The following SWAP70 variants were observed in gnomAD, a reference collection of about 807,000 sequenced individuals.
SWAP70 encodes the protein switch-associated protein 70.
Under a neutral mutation model 80.2 loss-of-function variants are expected in SWAP70, and 34 were observed. The ratio of observed to expected loss-of-function variants is 0.42; its 90% CI spans 0.32 to 0.56. The LOEUF is 0.56. Ranked by LOEUF, SWAP70 falls within the 20% of genes least tolerant of loss-of-function variation. The pLI, the probability that SWAP70 is intolerant of heterozygous loss-of-function variation, is 0.09. For missense variants in SWAP70, 578 were observed against 690.7 expected (o/e 0.84, Z 1.83); for synonymous variants, 239 against 238.5 (o/e 1.00, Z -0.02).
intron 3 of SWAP70, among the ~76,000 whole-genome samples, chr11:9,717,543 G>A (rs956365595): frequency 1.4e-4 from 21 of 152,044 alleles, no homozygotes; most frequent in African/African-American, 5.1e-4. Context: ...GCTTAGGTGG[G>A]AGGATGGCTT....
intron 11 of SWAP70, among the ~76,000 whole-genome samples, 200 bp downstream of exon 11, chr11:9,749,383 A>G (rs1427482010): frequency 6.6e-6 from 1 of 152,046 alleles, no homozygotes; most frequent in African/African-American, 2.4e-5. Flanking sequence ...AGTAGCTGGG[A>G]CTACAGGTGC....
chr11:9,748,491 AG>A (rs1851540997), intron 10 of SWAP70, among the ~76,000 whole-genome samples: 1 of 152,134 alleles, frequency 6.6e-6, no homozygotes, highest in African/African-American at 2.4e-5. Context: ...ATGGCAGAAA[AG>A]TTTGTTGAGG....
intron 3 of SWAP70, among the ~76,000 whole-genome samples, chr11:9,715,846 C>T (rs528516602): frequency 4.8e-4 from 73 of 152,332 alleles, no homozygotes; most frequent in Middle Eastern, 3.4e-3. Flanking sequence ...CCCCAGAACT[C>T]AACTTTTCCT....
rs1357683213 is a variant in SWAP70, at chr11:9,695,399, AGAAAATGTGGTACATATAC to A, written c.240+1115_240+1133del. ...TGCCCATCAATGATAGCCTGGATAAAGAAAATGTGGTACATATACGCCATGGAATACTATGCTGCCCTAA... is the reference window on the plus strand; with the variant it reads ...TGCCCATCAATGATAGCCTGGATAAAGCCATGGAATACTATGCTGCCCTAA... On this transcript the variant is annotated intron_variant, in intron 2 of 11. Coordinates refer to ENST00000318950, the MANE Select transcript of SWAP70 (RefSeq NM_015055.4). Among the ~76,000 whole-genome samples the A allele has an allele frequency of 4.6e-5, 7 of 152,332 alleles. No individual in the cohort carries two copies. The East Asian group carries it at 1.4e-3, about 29-fold the overall frequency.
chr11:9,749,251 T>G, intron 11 of SWAP70, 68 bp downstream of exon 11: 1 of 903,658 alleles, frequency 1.1e-6, no homozygotes, highest in Non-Finnish European at 1.4e-6. Context: ...TTAATTAATT[T>G]ATTTATTTTG....
chr11:9,695,906 C>G (rs1418356901), intron 2 of SWAP70, among the ~76,000 whole-genome samples: 1 of 152,058 alleles, frequency 6.6e-6, no homozygotes, highest in Non-Finnish European at 1.5e-5. Flanking sequence ...AGGTGACCCT[C>G]CTACCTCAGA....
chr11:9,744,997 T>C (rs60929104), intron 9 of SWAP70, among the ~76,000 whole-genome samples: 15,124 of 152,256 alleles, frequency 0.099, 1,912 homozygotes, highest in East Asian at 0.28. Context: ...TGTAACACCC[T>C]GGAGTACACC....
intron 1 of SWAP70, among the ~76,000 whole-genome samples, chr11:9,672,998 A>C (rs1477199223): frequency 6.6e-6 from 1 of 152,128 alleles, no homozygotes; most frequent in African/African-American, 2.4e-5. Context: ...CTGGTGACCA[A>C]ATGTGTGGAG....
intron 1 of SWAP70, among the ~76,000 whole-genome samples, chr11:9,677,439 A>G (rs546155222): frequency 1.3e-5 from 2 of 152,322 alleles, no homozygotes; most frequent in East Asian, 3.9e-4. Context: ...AAGGGTATTT[A>G]CAAAAATGAA....
At chr11:9,720,829 T>C (rs929927305) in intron 3 of SWAP70, among the ~76,000 whole-genome samples, 1 of 152,246 alleles carries the variant, frequency 6.6e-6, no homozygotes, top group Non-Finnish European at 1.5e-5. Context: ...TTTTTTATTT[T>C]TTTAAAGATG....
chr11:9,712,063 G>T (rs1301796264), intron 2 of SWAP70, among the ~76,000 whole-genome samples: 1 of 152,078 alleles, frequency 6.6e-6, no homozygotes, highest in Admixed American at 6.5e-5. Flanking sequence ...ACTCAGCTCT[G>T]TTGTCCTGTC....
intron 1 of SWAP70, among the ~76,000 whole-genome samples, chr11:9,670,670 A>G (rs1362260292): frequency 6.6e-6 from 1 of 152,100 alleles, no homozygotes; most frequent in Non-Finnish European, 1.5e-5. Context: ...CTTTGGGGCA[A>G]CGCTGGAGCT....
intron 8 of SWAP70, among the ~76,000 whole-genome samples, chr11:9,739,079 G>A (rs574122135): frequency 7.1e-4 from 108 of 152,336 alleles, no homozygotes; most frequent in Non-Finnish European, 5.7e-4. Context: ...AAGCAAGGAT[G>A]GCGGGGGTGA....
chr11:9,666,088 T>A (rs1463110805), intron 1 of SWAP70, among the ~76,000 whole-genome samples: 2 of 151,434 alleles, frequency 1.3e-5, no homozygotes, highest in African/African-American at 4.9e-5. Flanking sequence ...TTTAGTTTTT[T>A]GTTTTTTTTT....
chr11:9,730,763 A>C (rs1251485523), intron 6 of SWAP70, among the ~76,000 whole-genome samples: 2 of 152,246 alleles, frequency 1.3e-5, no homozygotes, highest in Admixed American at 1.3e-4. Context: ...TTTTGAATTA[A>C]TAACCTTTAA....
At chr11:9,745,777 A>G (rs1251640892) in intron 9 of SWAP70, among the ~76,000 whole-genome samples, 1 of 152,258 alleles carries the variant, frequency 6.6e-6, no homozygotes, top group East Asian at 1.9e-4. Context: ...ATACACAGAA[A>G]AAGAGTGAGG....
At position 9,732,470 on chromosome 11, in the gene SWAP70, G is replaced by C. The variant is rs1290849956; in HGVS notation, c.899-59G>C. 1.0e-5 allele frequency: 15 copies of C among 1,504,642 alleles called. No homozygotes were observed. The East Asian group carries it at 3.4e-4, about 34-fold the overall frequency. The allele number at this position is 1,504,642 out of a possible 1,614,324, so 93.2% of individuals were successfully genotyped here. ...TTCCCACTGTGCCATTTGCATAGTA[G>C]GCTTACAAAGAATAAATAATATCTC... is the stretch of plus-strand genomic sequence containing the variant. On this transcript the variant is annotated intron_variant, in intron 6 of 11. Transcript: ENST00000318950.
intron 9 of SWAP70, chr11:9,741,021 C>T (rs1183452365): frequency 6.5e-6 from 1 of 154,082 alleles, no homozygotes; most frequent in South Asian, 2.0e-4. Context: ...GCCCCATTTA[C>T]ATTATTTAAG....
At chr11:9,710,996 T>TTTTATTTATTTATTTA (rs71034734) in intron 2 of SWAP70, among the ~76,000 whole-genome samples, 35 of 149,012 alleles carry the variant, frequency 2.3e-4, no homozygotes, top group East Asian at 5.8e-4. Context: ...TGTTTTTTAT[T>TTTTATTTATTTATTTA]TTTATTTATT....
Sources: allele counts gnomAD v4.1 joint callset (sites outside exome capture counted in the v4.1 genomes callset), GRCh38; gene constraint gnomAD v4.1.1; transcripts MANE v1.5; gene names NCBI Gene and HGNC (gene_info 2026-07-23, HGNC 2026-07-21).